EWSR1: variants seen among roughly 807,000 people sequenced by gnomAD.
The protein encoded by EWSR1 is EWS RNA binding protein 1.
A neutral mutation model predicts 92.1 loss-of-function variants in EWSR1; 14 were observed. The observed-to-expected ratio is 0.15, with a 90% CI of 0.10 to 0.24. EWSR1 has a LOEUF of 0.24. Among genes scored for constraint, EWSR1 ranks in the 10% least tolerant of loss-of-function variants. EWSR1 has a pLI of 1.00. For missense variants in EWSR1, 637 were observed against 870.9 expected, an observed-to-expected ratio of 0.73 and a Z score of 3.38; for synonymous variants, 303 against 292.9, an observed-to-expected ratio of 1.03 and a Z score of -0.35.
intron 15 of EWSR1, 108 bp from the exon 16 acceptor site, chr22:29,299,491 G>T: frequency 6.7e-7 from 1 of 1,493,156 alleles, no homozygotes; most frequent in South Asian, 1.4e-5. Context: ...TGAGTGAAGT[G>T]TCTGGTTTGT....
At chr22:29,286,450 A>G (rs2147327760) in intron 6 of EWSR1, among the ~76,000 whole-genome samples, 2 of 152,092 alleles carry the variant, frequency 1.3e-5, no homozygotes, top group South Asian at 4.1e-4. Flanking sequence ...GCACTTTGGG[A>G]GGCCGAGGTG....
chr22:29,297,598 T>G (rs555231977), intron 12 of EWSR1, among the ~76,000 whole-genome samples: 1 of 152,134 alleles, frequency 6.6e-6, no homozygotes, highest in African/African-American at 2.4e-5. Flanking sequence ...GGAGGATTGC[T>G]TGAGCAAGTG....
chr22:29,276,409 T>C, intron 4 of EWSR1: 1 of 222,474 alleles, frequency 4.5e-6, no homozygotes. Context: ...GACATTACTA[T>C]CTCTGTGTAT....
chr22:29,299,789 A>G lies in EWSR1; in HGVS notation c.1869A>G (p.Gly623=). 1 of 1,593,648 alleles carries G rather than the reference A, an allele frequency of 6.3e-7. No homozygotes were observed. Among genetic ancestry groups the G allele is most frequent in the Non-Finnish European group, 8.6e-7 (1 of 1,167,640 alleles). ...GRRGGPGGPP[G]PLMEQMGGRR... is the part of the protein sequence containing the mutation. ...GAGGTGGCCCTGGGGGGCCCCCTGG[A>G]CCTTTGATGGAACAGATGGGAGGAA... is the stretch of plus-strand genomic sequence containing the variant. Residue 623 remains glycine, a synonymous_variant, in exon 16 of 17, where the codon GGA becomes GGG. Coordinates refer to ENST00000397938, the MANE Select transcript of EWSR1 (RefSeq NM_005243.4).
In EWSR1 at chr22:29,278,194, C is replaced by G; in HGVS notation, c.391C>G (p.Pro131Ala). 1 of 1,613,854 alleles carries G rather than the reference C, an allele frequency of 6.2e-7. No homozygotes were observed. The highest frequency in any genetic ancestry group is 1.1e-5 in the South Asian group (1 of 91,070). ...QPAYPAYGQQ[P>A]AATAPTRPQD... ...TGCTTATCCAGCCTATGGGCAGCAG[C>G]CAGCAGCCACTGCACCTACAAGGTA... is the stretch of plus-strand genomic sequence containing the variant. The change falls in exon 5 of 17, where the codon CCA becomes GCA. Residue 131 changes from proline (P) to alanine (A), a missense_variant. Pro to Ala is a conservative substitution (Grantham distance 27). Around this residue, in one of 5 missense-constraint regions of EWSR1, gnomAD observed 144 missense variants for 189.0 expected, o/e 0.76. Transcript: ENST00000397938.
At chr22:29,282,626 T>C (rs2059695165) in intron 6 of EWSR1, 69 bp downstream of exon 6, 3 of 1,343,966 alleles carry the variant, frequency 2.2e-6, no homozygotes, top group Non-Finnish European at 3.0e-6. Flanking sequence ...TTGACCAGCT[T>C]GCTTTGACTT....
At chr22:29,276,491 T>C in intron 4 of EWSR1, 1 of 222,432 alleles carries the variant, frequency 4.5e-6, no homozygotes, top group East Asian at 6.6e-5. Flanking sequence ...CTACAAATGG[T>C]GATTGTACAA....
intron 1 of EWSR1, among the ~76,000 whole-genome samples, chr22:29,270,908 C>A (rs2058627136): frequency 6.6e-6 from 1 of 152,090 alleles, no homozygotes; most frequent in African/African-American, 2.4e-5. Context: ...ATAGGTTAGC[C>A]TTTGGGCAGT....
At position 29,272,244 on chromosome 22, in the gene EWSR1, G is replaced by A. The variant is rs775729620; in HGVS notation, c.42G>A (p.Ala14=). 48 of 1,614,028 alleles carry A rather than the reference G, an allele frequency of 3.0e-5. No individual in the cohort carries two copies. Among genetic ancestry groups the A allele is most frequent in the East Asian group, 2.2e-4 (10 of 44,880 alleles). ...ACAGTACCTATAGCCAAGCTGCAGC[G>A]CAGCAGGGGTAAGTCAGTCTTTTAT... ...TDYSTYSQAA[A]QQGYSAYTAQ... is the part of the protein sequence containing the mutation. Residue 14 remains alanine, a synonymous_variant, in exon 2 of 17, where the codon GCG becomes GCA. Transcript: ENST00000397938.
intron 4 of EWSR1, chr22:29,274,205 T>C (rs2058924181): frequency 1.3e-5 from 21 of 1,577,502 alleles, no homozygotes; most frequent in Non-Finnish European, 1.8e-5. Flanking sequence ...CAAACTGGTT[T>C]TCACATGTTT....
intron 5 of EWSR1, among the ~76,000 whole-genome samples, chr22:29,279,584 G>C (rs1190492550): frequency 6.6e-6 from 1 of 152,226 alleles, no homozygotes; most frequent in Non-Finnish European, 1.5e-5. Flanking sequence ...TAACTGGCTT[G>C]TGTATACAGT....
At chr22:29,288,962 G>A (rs1469070052) in intron 8 of EWSR1, 176 bp downstream of exon 8, 1 of 617,956 alleles carries the variant, frequency 1.6e-6, no homozygotes, top group East Asian at 3.2e-5. Context: ...ATATTAAGTG[G>A]CAGTTTATTT....
At chr22:29,279,723 A>C (rs2059412767) in intron 5 of EWSR1, among the ~76,000 whole-genome samples, 1 of 152,256 alleles carries the variant, frequency 6.6e-6, no homozygotes, top group Non-Finnish European at 1.5e-5. Flanking sequence ...TTTAAAATGC[A>C]CAGTGAGTAA....
Position 29,291,659 on chromosome 22 carries a change from A to C in EWSR1, c.1012+60A>C, listed in dbSNP as rs1233010877. ...AAAAAAAATGCAGTCAGTTTTTAGA[A>C]AACTATAATTTTTTTATTAGTTTCA... On this transcript the variant is annotated intron_variant, in intron 9 of 16. Transcript: ENST00000397938. The C allele has an allele frequency of 2.7e-6, 4 of 1,488,392 alleles. No individual in the cohort carries two copies. In the African/African-American group the frequency reaches 5.6e-5, roughly 21 times the overall value. The allele number at this position is 1,488,392 out of a possible 1,614,324, so 92.2% of individuals were successfully genotyped here. A position where few individuals can be genotyped will look rare whatever the true frequency, so the allele number is the denominator to read the frequency against.
intron 1 of EWSR1, chr22:29,269,375 C>G (rs767907186): frequency 6.6e-6 from 1 of 152,186 alleles, no homozygotes; most frequent in African/African-American, 2.4e-5. Context: ...GTTGGGAACT[C>G]CAAAATGGGA....
At chr22:29,275,804 T>A in intron 4 of EWSR1, 1 of 231,156 alleles carries the variant, frequency 4.3e-6, no homozygotes, top group Non-Finnish European at 8.6e-6. Flanking sequence ...CTTAAAAACT[T>A]CTTAATTTTT....
At position 29,296,308 on chromosome 22, in the gene EWSR1, G is replaced by A. The variant is rs755735886; in HGVS notation, c.1234G>A (p.Asp412Asn). ...CAAGGAAACAGGAAAGCCCAAAGGC[G>A]ATGCCACAGTGTCCTATGAAGACCC... Reference protein sequence around the residue: ...LDKETGKPKGDATVSYEDPPT... With the variant: ...LDKETGKPKGNATVSYEDPPT... Residue 412 changes from aspartate to asparagine, a missense_variant, in exon 12 of 17, where the codon GAT becomes AAT. Asp to Asn is a conservative substitution (Grantham distance 23). Around this residue, in one of 5 missense-constraint regions of EWSR1, gnomAD observed 363 missense variants for 447.8 expected, o/e 0.81. Coordinates refer to ENST00000397938, the MANE Select transcript of EWSR1 (RefSeq NM_005243.4). 3.7e-6 allele frequency: 6 copies of A among 1,614,078 alleles called. No individual in the cohort carries two copies. Among genetic ancestry groups the A allele is most frequent in the Admixed American group, 3.3e-5 (2 of 60,010 alleles).
At chr22:29,294,137 T>A (rs1378566291) in intron 11 of EWSR1, among the ~76,000 whole-genome samples, 1 of 152,060 alleles carries the variant, frequency 6.6e-6, no homozygotes, top group African/African-American at 2.4e-5. Flanking sequence ...GTGCTGTGAT[T>A]ACAGGTGTGA....
At chr22:29,270,878 A>G (rs1041708369) in intron 1 of EWSR1, among the ~76,000 whole-genome samples, 1 of 152,206 alleles carries the variant, frequency 6.6e-6, no homozygotes, top group Non-Finnish European at 1.5e-5. Context: ...GATTGTCATG[A>G]ACAGATTATT....
Sources: allele counts gnomAD v4.1 joint callset (sites outside exome capture counted in the v4.1 genomes callset), GRCh38; gene constraint gnomAD v4.1.1; regional missense constraint gnomAD v4.1.1; transcripts MANE v1.5; gene names NCBI Gene and HGNC (gene_info 2026-07-23, HGNC 2026-07-21).